Variants in EIF2AK4 observed in about 807,000 individuals in gnomAD.
EIF2AK4 encodes eukaryotic translation initiation factor 2 alpha kinase 4.
Under a neutral mutation model 211.1 loss-of-function variants are expected in EIF2AK4, and 139 were observed. The observed-to-expected ratio is 0.66, with a 90% CI of 0.57 to 0.76. The LOEUF (loss-of-function observed/expected upper bound fraction) is 0.76. Among genes scored for constraint, EIF2AK4 ranks in the 30% least tolerant of loss-of-function variants. The probability of loss-of-function intolerance (pLI) is 0.00; values close to 1 mark genes in which losing one functional copy is unlikely to be tolerated. For missense variants in EIF2AK4, 1,664 were observed against 2,043.8 expected, an observed-to-expected ratio of 0.81 and a Z score of 3.58; for synonymous variants, 710 against 751.3, an observed-to-expected ratio of 0.94 and a Z score of 0.90.
chr15:39,955,747 C>A lies in EIF2AK4; in HGVS notation c.722C>A (p.Ala241Glu). Reference protein sequence around the residue: ...PDFVGNGKHRANSSGRSRRER... With the variant: ...PDFVGNGKHRENSSGRSRRER... Reference sequence around the variant, plus strand: ...TTTGTAGGAAATGGTAAACATCGGGCAAACTCCTCAGGAAGGTCTAGGTAA... The same window carrying A: ...TTTGTAGGAAATGGTAAACATCGGGAAAACTCCTCAGGAAGGTCTAGGTAA... The change falls in exon 6 of 39, where the codon GCA becomes GAA. Residue 241 changes from alanine to glutamate, a missense_variant. Physicochemically the swap from Ala to Glu is moderately radical, Grantham distance 107. This residue lies in a region of EIF2AK4 where 641 missense variants were observed against 729.6 expected (regional missense o/e 0.88). Transcript: ENST00000263791. 1 of 1,611,344 alleles carries A rather than the reference C, an allele frequency of 6.2e-7. No individual in the cohort carries two copies. Among genetic ancestry groups the A allele is most frequent in the East Asian group, 2.2e-5 (1 of 44,686 alleles).
chr15:39,976,352 C>A, intron 11 of EIF2AK4, 62 bp from the exon 12 acceptor site: 2 of 1,498,666 alleles, frequency 1.3e-6, no homozygotes, highest in South Asian at 2.7e-5. Context: ...GGATGGGGTG[C>A]GGTGCAAATG....
At chr15:40,027,465 A>G (rs2035478997) in intron 33 of EIF2AK4, among the ~76,000 whole-genome samples, 1 of 152,268 alleles carries the variant, frequency 6.6e-6, no homozygotes, top group Non-Finnish European at 1.5e-5. Context: ...TCATTTCAAA[A>G]TATACATTGG....
chr15:40,015,716 C>G (rs2035295081), intron 27 of EIF2AK4, among the ~76,000 whole-genome samples: 1 of 152,166 alleles, frequency 6.6e-6, no homozygotes. Flanking sequence ...TCAATCTGAG[C>G]CTTCATTTAG....
Position 40,009,639 on chromosome 15 carries a change from A to G in EIF2AK4, c.3602A>G (p.Asn1201Ser). The G allele has an allele frequency of 1.2e-6, 2 of 1,601,766 alleles. No individual in the cohort carries two copies. Among genetic ancestry groups the G allele is most frequent in the Non-Finnish European group, 1.7e-6 (2 of 1,175,536 alleles). The part of the protein sequence containing the change: ...LQERNYSIYL[N>S]HTMLLKAILL... ...GAAAGAAATTACAGTATTTATTTGA[A>G]CCATACCATGTTATTGAAAGCAATA... The change falls in exon 26 of 39, where the codon AAC becomes AGC. Residue 1201 changes from asparagine to serine, a missense_variant. Physicochemically the swap from Asn to Ser is conservative, Grantham distance 46. Around this residue, in one of 7 missense-constraint regions of EIF2AK4, gnomAD observed 622 missense variants for 796.8 expected, o/e 0.78. Transcript: ENST00000263791.
chr15:39,993,948 A>G (rs2034985415), intron 18 of EIF2AK4, among the ~76,000 whole-genome samples: 1 of 152,192 alleles, frequency 6.6e-6, no homozygotes, highest in Non-Finnish European at 1.5e-5. Context: ...TTAGGAAGGG[A>G]TTTGAGAGAT....
At chr15:39,964,663 A>AT (rs1440128407) in intron 7 of EIF2AK4, among the ~76,000 whole-genome samples, 5 of 152,100 alleles carry the variant, frequency 3.3e-5, no homozygotes, top group Non-Finnish European at 5.9e-5. Flanking sequence ...ACAAGTGGTG[A>AT]TTTTTTTCTC....
In EIF2AK4 at chr15:39,971,716, CA is replaced by C. The variant is rs200816710; in HGVS notation, c.1554-1181del. Among the ~76,000 whole-genome samples the C allele has an allele frequency of 2.4e-3, 336 of 141,808 alleles. 1 individual carries two copies. The highest frequency in any genetic ancestry group is 7.8e-3 in the African/African-American group (301 of 38,384). 93.0% of individuals were successfully genotyped at this position (141,808 alleles called of 152,430 possible). The stretch of plus-strand genomic sequence containing the variant: ...TGGGTGACAGAGCAAAACCTTATCT[CA>C]AAAAAAAAAATTAAAATTAAAAAAA... On this transcript the variant is annotated intron_variant, in intron 9 of 38. Transcript: ENST00000263791.
chr15:39,989,158 G>A lies in EIF2AK4; in HGVS notation c.2526+1053G>A, dbSNP rs548182143. Among the ~76,000 whole-genome samples the A allele has an allele frequency of 9.2e-5, 14 of 152,238 alleles. 2 individuals are homozygous for A. The highest frequency in any genetic ancestry group is 3.1e-4 in the African/African-American group (13 of 41,536). The stretch of plus-strand genomic sequence containing the variant: ...GACTTTCTGAGTAACTTAGCTTGTC[G>A]CATGTCTAAAATGTCATTTTAAAGC... On this transcript the variant is annotated intron_variant, in intron 15 of 38. Coordinates refer to ENST00000263791, the MANE Select transcript of EIF2AK4 (RefSeq NM_001013703.4).
chr15:39,934,823 T>C (rs778173421), intron 1 of EIF2AK4, among the ~76,000 whole-genome samples: 6 of 152,252 alleles, frequency 3.9e-5, no homozygotes, highest in Non-Finnish European at 8.8e-5. Flanking sequence ...TAATTCCCTC[T>C]GTACTCCCCA....
chr15:39,949,183 A>G lies in EIF2AK4; in HGVS notation c.428A>G (p.Lys143Arg). ...AGCGAGCATAACAAGCCCCCTCCCA[A>G]GTCTTTTCATGAAGAAATGCTGGAA... ...FLSEHNKPPP[K>R]SFHEEMLERR... The change falls in exon 4 of 39, where the codon AAG (lysine) becomes AGG (arginine). Residue 143 changes from lysine to arginine, a missense_variant. By Grantham distance (26) the Lys-to-Arg change is conservative (BLOSUM62 2). This residue lies in a region of EIF2AK4 where 641 missense variants were observed against 729.6 expected (regional missense o/e 0.88). Coordinates refer to ENST00000263791, the MANE Select transcript of EIF2AK4 (RefSeq NM_001013703.4). 6.2e-7 allele frequency: 1 copy of G among 1,614,058 alleles called. No individual in the cohort carries two copies. The highest frequency in any genetic ancestry group is 1.7e-5 in the Admixed American group (1 of 60,002).
At chr15:39,973,463 T>A in intron 10 of EIF2AK4, 129 bp from the exon 11 acceptor site, 1 of 965,572 alleles carries the variant, frequency 1.0e-6, no homozygotes, top group Non-Finnish European at 1.5e-6. Context: ...AAAAGGCCAC[T>A]CAGGTAAGAG....
Position 39,947,844 on chromosome 15 carries a change from G to A in EIF2AK4, c.361-1272G>A, listed in dbSNP as rs1026034774. On this transcript the variant is annotated intron_variant, in intron 3 of 38. Coordinates refer to ENST00000263791, the MANE Select transcript of EIF2AK4 (RefSeq NM_001013703.4). ...TTTGGAAAGTAGTTCTTTTCATCCA[G>A]TCTTAGAAGGTTTATCAGGTTGATT... 5.3e-5 allele frequency among the ~76,000 whole-genome samples: 8 copies of A among 152,336 alleles called. No homozygotes were observed. The East Asian group carries it at 1.3e-3, about 26-fold the overall frequency.
intron 32 of EIF2AK4, among the ~76,000 whole-genome samples, chr15:40,025,731 A>G (rs1265090797): frequency 6.6e-6 from 1 of 152,204 alleles, no homozygotes; most frequent in Non-Finnish European, 1.5e-5. Context: ...TTTGGGCCAA[A>G]TAATTCTCTG....
chr15:39,945,240 A>G (rs944627586), intron 3 of EIF2AK4, among the ~76,000 whole-genome samples: 1 of 151,800 alleles, frequency 6.6e-6, no homozygotes, highest in African/African-American at 2.4e-5. Context: ...TCAGCCTCCC[A>G]AAGTGCTAGG....
At chr15:40,029,733 GA>G (rs2035513496) in intron 34 of EIF2AK4, among the ~76,000 whole-genome samples, 1 of 152,174 alleles carries the variant, frequency 6.6e-6, no homozygotes, top group Non-Finnish European at 1.5e-5. Flanking sequence ...TTGTACAAGT[GA>G]AATGTGTATA....
At position 39,976,780 on chromosome 15, in the gene EIF2AK4, G is replaced by T. The variant is rs373456769; in HGVS notation, c.2185G>T (p.Gly729Cys). 60 of 1,588,028 alleles carry T rather than the reference G, an allele frequency of 3.8e-5. No individual in the cohort carries two copies. In the African/African-American group the frequency reaches 8.1e-4, roughly 22 times the overall value. Residue 729 changes from glycine (G) to cysteine (C), a missense_variant, in exon 12 of 39, where the codon GGC becomes TGC. Gly to Cys is a radical substitution (Grantham distance 159, BLOSUM62 -3). Transcript: ENST00000263791. The stretch of plus-strand genomic sequence containing the variant: ...TGCCCGTTTCCCCGCCACCGGCCCG[G>T]GCTCCAGCGATGACGAGGACGACGA... ...ASARFPATGP[G>C]SSDDEDDDED...
intron 33 of EIF2AK4, chr15:40,029,186 A>G (rs751950814): frequency 2.5e-4 from 98 of 385,710 alleles, no homozygotes; most frequent in Non-Finnish European, 3.1e-4. Context: ...TTCCTTAGGC[A>G]TTTGTTAACT....
intron 21 of EIF2AK4, 147 bp from the exon 22 acceptor site, chr15:40,002,564 ATG>A (rs2035107357): frequency 5.4e-6 from 4 of 742,578 alleles, no homozygotes; most frequent in Non-Finnish European, 9.4e-6. Context: ...CTCTTCCCTG[ATG>A]TGTTCAAAGA....
intron 3 of EIF2AK4, among the ~76,000 whole-genome samples, chr15:39,945,950 G>T (rs1045270434): frequency 1.3e-5 from 2 of 152,064 alleles, no homozygotes; most frequent in African/African-American, 4.8e-5. Flanking sequence ...GAGACCTGCT[G>T]CTCTGAAAAA....
Sources: gnomAD v4.1 joint callset for allele counts (sites outside exome capture counted in the v4.1 genomes callset) on GRCh38, gnomAD v4.1.1 for gene constraint, gnomAD v4.1.1 regional missense constraint, MANE v1.5 for transcripts, NCBI Gene and HGNC (gene_info 2026-07-23, HGNC 2026-07-21) for gene names.